The following MCF2L variants were observed in gnomAD, a reference collection of about 807,000 sequenced individuals.
The protein encoded by MCF2L is MCF.2 cell line derived transforming sequence like.
Under a neutral mutation model 153.4 loss-of-function variants are expected in MCF2L, and 97 were observed. The ratio of observed to expected loss-of-function variants is 0.63; its 90% confidence interval spans 0.54 to 0.75. MCF2L has a LOEUF of 0.75. Ranked by LOEUF, MCF2L falls within the 30% of genes least tolerant of loss-of-function variation. The pLI is 0.00. For synonymous variants in MCF2L, 659 were observed against 632.2 expected (o/e 1.04, Z -0.64); for missense variants, 1,347 against 1,495.2 (o/e 0.90, Z 1.64).
In MCF2L at chr13:113,089,735, A is replaced by G. The variant is rs2142074995; in HGVS notation, c.2953+7A>G. 1 of 1,611,744 alleles carries G rather than the reference A, an allele frequency of 6.2e-7. No individual in the cohort carries two copies. The highest frequency in any genetic ancestry group is 2.2e-5 in the East Asian group (1 of 44,874). ...CCCCCCGAAAAGGGCAAAGGTGGGT[A>G]TGTGCAGGGACCGGGCCTCACACGG... On this transcript the variant is annotated splice_region_variant and intron_variant, in intron 26 of 29. Coordinates refer to ENST00000535094, the MANE Select transcript of MCF2L (RefSeq NM_001112732.3).
intron 2 of MCF2L, chr13:112,910,321 A>G (rs560380301): frequency 6.6e-6 from 1 of 152,354 alleles, no homozygotes; most frequent in African/African-American, 2.4e-5. Flanking sequence ...GTTCACTTCT[A>G]AGAATTTAAA....
intron 1 of MCF2L, among the ~76,000 whole-genome samples, chr13:112,997,982 C>T (rs117389387): frequency 0.047 from 7,172 of 152,268 alleles, 299 homozygotes; most frequent in Non-Finnish European, 0.061. Flanking sequence ...TGTATGAAGC[C>T]GGTGCGTCGG....
chr13:112,967,413 C>G (rs1012864185), upstream of MCF2L: 2 of 152,170 alleles, frequency 1.3e-5, no homozygotes, highest in Non-Finnish European at 2.9e-5. Flanking sequence ...CAAAGAGATT[C>G]TGTAGAACCA....
At chr13:113,055,961 C>T (rs2087736118) in intron 4 of MCF2L, among the ~76,000 whole-genome samples, 1 of 152,208 alleles carries the variant, frequency 6.6e-6, no homozygotes, top group South Asian at 2.1e-4. Context: ...CGGAAGCCAT[C>T]AGCCTCCCCT....
chr13:112,995,618 G>A (rs1292495088), intron 1 of MCF2L, among the ~76,000 whole-genome samples: 4 of 152,322 alleles, frequency 2.6e-5, no homozygotes, highest in South Asian at 2.1e-4. Context: ...AGTCACCCCC[G>A]GGATGTGCCC....
chr13:113,030,941 A>G (rs2141359523), intron 3 of MCF2L, among the ~76,000 whole-genome samples: 1 of 152,314 alleles, frequency 6.6e-6, no homozygotes, highest in South Asian at 2.1e-4. Flanking sequence ...AAATAAACAG[A>G]GAAAATTGTG....
Position 113,084,066 on chromosome 13 carries a change from G to A in MCF2L, c.2060G>A (p.Arg687Lys), listed in dbSNP as rs758863800. The A allele has an allele frequency of 6.2e-7, 1 of 1,613,484 alleles. No homozygotes were observed. The highest frequency in any genetic ancestry group is 8.5e-7 in the Non-Finnish European group (1 of 1,179,436). ...CTGGTTGGAAGATGCTTTCTGGAGA[G>A]GGTAGGTGGTGTTTTGACGTGTATT... ...PELVGRCFLE[R>K]MEDFQIYEKY... The change falls in exon 18 of 30, where the codon AGG becomes AAG. Residue 687 changes from arginine to lysine, a missense_variant and splice_region_variant. Arg to Lys is a conservative substitution (Grantham distance 26). Around this residue, in one of 3 missense-constraint regions of MCF2L, gnomAD observed 820 missense variants for 921.2 expected, o/e 0.89. Coordinates refer to ENST00000535094, the MANE Select transcript of MCF2L (RefSeq NM_001112732.3).
At chr13:113,023,283 A>C (rs2085013832) in intron 2 of MCF2L, among the ~76,000 whole-genome samples, 1 of 152,242 alleles carries the variant, frequency 6.6e-6, no homozygotes, top group South Asian at 2.1e-4. Context: ...CAATTGTATC[A>C]GATAATGAGT....
rs201655174 is a variant in MCF2L at position 113,051,943 on chromosome 13, A to G, written c.369+6582A>G. On this transcript the variant is annotated intron_variant, in intron 4 of 29. Coordinates refer to ENST00000535094, the MANE Select transcript of MCF2L (RefSeq NM_001112732.3). ...CATGAGGGTGGGGCCGTCCTGACCCAGTCACCTCTGAAAGGTACTGCCTCT... is the reference window on the plus strand; with the variant it reads ...CATGAGGGTGGGGCCGTCCTGACCCGGTCACCTCTGAAAGGTACTGCCTCT... 3.9e-5 allele frequency among the ~76,000 whole-genome samples: 6 copies of G among 152,170 alleles called. No homozygotes were observed. The East Asian group carries it at 1.2e-3, about 29-fold the overall frequency.
In MCF2L at chr13:112,993,279, C is replaced by G. The variant is rs575414578; in HGVS notation, c.80-21484C>G. 2.6e-5 allele frequency among the ~76,000 whole-genome samples: 4 copies of G among 152,122 alleles called. No homozygotes were observed. Among genetic ancestry groups the G allele is most frequent in the Non-Finnish European group, 5.9e-5 (4 of 68,024 alleles). The stretch of plus-strand genomic sequence containing the variant: ...CATGGTGGCGGGGGAGCGCCGGGCA[C>G]ACAACATGGTGGGTGTTCCTGGGCA... On this transcript the variant is annotated intron_variant, in intron 1 of 29. Transcript: ENST00000535094. This position sits in a 1 kb window ranked among gnomAD's most constrained non-coding sequence, Gnocchi z 4.6.
chr13:113,022,775 G>A (rs1182754864), intron 2 of MCF2L, among the ~76,000 whole-genome samples: 2 of 152,252 alleles, frequency 1.3e-5, no homozygotes, highest in South Asian at 2.1e-4. Context: ...CCCCCACCGC[G>A]GCGGCGGCTG....
chr13:113,090,737 C>T, intron 26 of MCF2L: 1 of 985,474 alleles, frequency 1.0e-6, no homozygotes, highest in Non-Finnish European at 1.2e-6. Context: ...TGGACAAGGG[C>T]TCTTTCCAGA....
Position 112,915,457 on chromosome 13 carries a change from A to G in MCF2L, c.169+13086A>G, listed in dbSNP as rs545514354. Among the ~76,000 whole-genome samples the G allele has an allele frequency of 1.5e-4, 22 of 149,256 alleles. No homozygotes were observed. In the South Asian group the frequency reaches 4.7e-3, roughly 32 times the overall value. ...CTCACTACACGCATCAGCAGTTGCCACCATTAAAATAGATTGAATTTTCAT... is the reference window on the plus strand; with the variant it reads ...CTCACTACACGCATCAGCAGTTGCCGCCATTAAAATAGATTGAATTTTCAT... On this transcript the variant is annotated intron_variant, in intron 2 of 29. Coordinates refer to the MCF2L transcript ENST00000375608.
chr13:112,997,136 C>T (rs1394210261), intron 1 of MCF2L, among the ~76,000 whole-genome samples: 8 of 152,250 alleles, frequency 5.3e-5, no homozygotes, highest in African/African-American at 1.9e-4. Context: ...GGGAGAGCAA[C>T]TTCCCAGCTC....
rs2087684500 is a variant in MCF2L at position 113,055,385 on chromosome 13, CACACACACACACACACACACACA to C, written c.370-5207_370-5185del. ...GAGACGTGGACCCCCCCCCCCGCCA[CACACACACACACACACACACACA>C]CACACACACACACACACACACACAC... On this transcript the variant is annotated intron_variant, in intron 4 of 29. Coordinates refer to ENST00000535094, the MANE Select transcript of MCF2L (RefSeq NM_001112732.3). 6.7e-4 allele frequency among the ~76,000 whole-genome samples: 6 copies of C among 8,930 alleles called. 2 individuals carry two copies. The highest frequency in any genetic ancestry group is 2.8e-3 in the African/African-American group (6 of 2,164). The allele number at this position is 8,930 out of a possible 152,430, so 5.9% of individuals were successfully genotyped here.
At position 112,895,136 on chromosome 13, in the gene MCF2L, C is replaced by T. The variant is rs1594287254; in HGVS notation, c.-5+705C>T. Among the ~76,000 whole-genome samples, 4 of 152,176 alleles carry T rather than the reference C, an allele frequency of 2.6e-5. No individual in the cohort carries two copies. The East Asian group carries it at 7.8e-4, about 30-fold the overall frequency. ...CTTGGTTGCCGTGGGCCCTCTGTGG[C>T]TCTTCTCCCAGCTGTGGGCCCCTGG... On this transcript the variant is annotated intron_variant, in intron 1 of 29. Coordinates refer to the MCF2L transcript ENST00000375608.
At position 112,993,125 on chromosome 13, in the gene MCF2L, C is replaced by T. The variant is rs538093550; in HGVS notation, c.80-21638C>T. Among the ~76,000 whole-genome samples the T allele has an allele frequency of 3.3e-5, 5 of 152,320 alleles. No homozygotes were observed. The highest frequency in any genetic ancestry group is 1.9e-4 in the East Asian group (1 of 5,178). ...AGCCAGAGATTACCACGCGCTGCCG[C>T]GGAGGGAGAGGTAGCGCGGGGCATG... On this transcript the variant is annotated intron_variant, in intron 1 of 29. Coordinates refer to ENST00000535094, the MANE Select transcript of MCF2L (RefSeq NM_001112732.3). This position sits in a 1 kb window ranked among gnomAD's most constrained non-coding sequence, Gnocchi z 4.6.
chr13:112,994,062 A>C (rs1212808199), intron 1 of MCF2L, among the ~76,000 whole-genome samples: 1 of 152,144 alleles, frequency 6.6e-6, no homozygotes, highest in African/African-American at 2.4e-5. Flanking sequence ...TCCTGATTAA[A>C]AAAAAGCACC....
At chr13:112,936,273 C>A (rs2081513706) in intron 2 of MCF2L, among the ~76,000 whole-genome samples, 1 of 102,754 alleles carries the variant, frequency 9.7e-6, no homozygotes. Context: ...GAGTGAGACT[C>A]TGTCTCAAAA....
Sources: gnomAD v4.1 joint callset for allele counts (sites outside exome capture counted in the v4.1 genomes callset) on GRCh38, gnomAD v4.1.1 for gene constraint, gnomAD v4.1.1 regional missense constraint, Gnocchi (gnomAD v3.1) non-coding constraint, MANE v1.5 for transcripts, NCBI Gene and HGNC (gene_info 2026-07-23, HGNC 2026-07-21) for gene names.